CCBE1: variants seen among roughly 807,000 people sequenced by gnomAD.
CCBE1 encodes the protein collagen and calcium-binding EGF domain-containing protein 1.
CCBE1 carries 37 observed loss-of-function variants against 50.0 expected under a neutral mutation model. The ratio of observed to expected loss-of-function variants is 0.74; its 90% CI spans 0.57 to 0.97. The LOEUF is 0.97. Among genes scored for constraint, CCBE1 ranks in the 50% least tolerant of loss-of-function variants. The pLI, the probability that CCBE1 is intolerant of heterozygous loss-of-function variation, is 0.00. For missense variants in CCBE1, 538 were observed against 523.8 expected (o/e 1.03, Z -0.26); for synonymous variants, 234 against 203.7 (o/e 1.15, Z -1.27).
intron 2 of CCBE1, among the ~76,000 whole-genome samples, chr18:59,651,669 C>T (rs917825549): frequency 4.6e-5 from 7 of 152,110 alleles, no homozygotes; most frequent in African/African-American, 1.4e-4. Flanking sequence ...TAGGCAAGAC[C>T]GTCAGAGAAA....
At chr18:59,668,693 C>A (rs2054389757) in intron 2 of CCBE1, among the ~76,000 whole-genome samples, 1 of 151,994 alleles carries the variant, frequency 6.6e-6, no homozygotes, top group Non-Finnish European at 1.5e-5. Flanking sequence ...CTTAATTTCC[C>A]TAGGATAAAT....
intron 2 of CCBE1, among the ~76,000 whole-genome samples, chr18:59,594,915 C>A (rs2053329328): frequency 6.6e-6 from 1 of 152,002 alleles, no homozygotes; most frequent in Non-Finnish European, 1.5e-5. Context: ...AGAACAAGAT[C>A]AGCCTGATCA....
Position 59,433,069 on chromosome 18 carries a change from A to G in CCBE1, c.*2839T>C, listed in dbSNP as rs1410713342. 6.6e-6 allele frequency: 1 copy of G among 152,076 alleles called. No individual in the cohort carries two copies. The highest frequency in any genetic ancestry group is 1.5e-5 in the Non-Finnish European group (1 of 68,024). 9.4% of individuals were successfully genotyped at this position (152,076 alleles called of 1,614,324 possible). On this transcript the variant is annotated 3_prime_UTR_variant, in exon 11 of 11. Transcript: ENST00000439986. ...ACAGCTGTTCAGTTCCTCTCTCTAT[A>G]AACCCGTGGTTGGTGTGGCCCTCTG...
At chr18:59,494,951 T>C (rs1440314633) in intron 2 of CCBE1, among the ~76,000 whole-genome samples, 2 of 152,096 alleles carry the variant, frequency 1.3e-5, no homozygotes, top group Non-Finnish European at 1.5e-5. Context: ...GCCAGGAGTC[T>C]GAGACCAGCC....
intron 2 of CCBE1, among the ~76,000 whole-genome samples, chr18:59,600,113 C>A (rs2053410333): frequency 6.6e-6 from 1 of 152,100 alleles, no homozygotes; most frequent in Non-Finnish European, 1.5e-5. Context: ...AATCAGGGGT[C>A]CCCAACCACT....
At chr18:59,686,283 T>G (rs1440535697) in intron 2 of CCBE1, 2 of 152,220 alleles carry the variant, frequency 1.3e-5, no homozygotes, top group Non-Finnish European at 2.9e-5. Flanking sequence ...ACCACTGGGA[T>G]GAATGTCACT....
In CCBE1 at chr18:59,491,763, C is replaced by T. The variant is rs370761055; in HGVS notation, c.213-11525G>A. Among the ~76,000 whole-genome samples, 16 of 150,496 alleles carry T rather than the reference C, an allele frequency of 1.1e-4. No homozygotes were observed. In the South Asian group the frequency reaches 1.9e-3, roughly 18 times the overall value. ...CAGTAGGTGGAGAATGCAGTTGAGC[C>T]GAGATTGCACCACTGGACTCCAACC... On this transcript the variant is annotated intron_variant, in intron 2 of 10. Transcript: ENST00000439986.
chr18:59,521,296 A>C (rs903870918), intron 2 of CCBE1, among the ~76,000 whole-genome samples: 3 of 152,232 alleles, frequency 2.0e-5, no homozygotes, highest in Admixed American at 1.3e-4. Flanking sequence ...GATTTATTTC[A>C]TGATTTCAAC....
chr18:59,449,797 C>A (rs972568714), intron 6 of CCBE1, among the ~76,000 whole-genome samples: 5 of 152,158 alleles, frequency 3.3e-5, no homozygotes, highest in Non-Finnish European at 7.3e-5. Context: ...CAGGATGAGG[C>A]CTGCACACAG....
At chr18:59,641,730 A>T (rs1423245723) in intron 2 of CCBE1, among the ~76,000 whole-genome samples, 1 of 152,224 alleles carries the variant, frequency 6.6e-6, no homozygotes, top group Non-Finnish European at 1.5e-5. Context: ...GGAAATAGAC[A>T]AACAGGTGAA....
chr18:59,529,775 G>A (rs1369129150), intron 2 of CCBE1, among the ~76,000 whole-genome samples: 1 of 152,024 alleles, frequency 6.6e-6, no homozygotes, highest in African/African-American at 2.4e-5. Context: ...GCCTCCAACT[G>A]CAGCTGTTTC....
chr18:59,598,913 G>C (rs183134410), intron 2 of CCBE1, among the ~76,000 whole-genome samples: 5 of 152,270 alleles, frequency 3.3e-5, no homozygotes, highest in African/African-American at 4.8e-5. Context: ...AACCATTCCC[G>C]AGAAGGAAGT....
At chr18:59,520,007 C>G (rs905546701) in intron 2 of CCBE1, among the ~76,000 whole-genome samples, 1 of 152,128 alleles carries the variant, frequency 6.6e-6, no homozygotes, top group African/African-American at 2.4e-5. Context: ...ATTTCTGAGG[C>G]CTCTGCTCTG....
intron 2 of CCBE1, among the ~76,000 whole-genome samples, chr18:59,483,087 G>A (rs1912654283): frequency 6.6e-6 from 1 of 152,092 alleles, no homozygotes; most frequent in Admixed American, 6.6e-5. Flanking sequence ...ACACATCATG[G>A]TGGAGAAAGG....
intron 2 of CCBE1, among the ~76,000 whole-genome samples, chr18:59,643,785 G>A (rs1176270729): frequency 7.1e-6 from 1 of 141,650 alleles, no homozygotes; most frequent in Non-Finnish European, 1.5e-5. Context: ...TCATGCCACT[G>A]TACTCCAGCC....
intron 2 of CCBE1, among the ~76,000 whole-genome samples, chr18:59,681,530 G>A (rs1451246606): frequency 6.6e-6 from 1 of 152,164 alleles, no homozygotes; most frequent in South Asian, 2.1e-4. Flanking sequence ...TCCATGAAGC[G>A]AGGAAGCTGA....
In CCBE1 at chr18:59,431,019, G is replaced by A. The variant is rs1180790297; in HGVS notation, c.*4889C>T. On this transcript the variant is annotated 3_prime_UTR_variant, in exon 11 of 11. Transcript: ENST00000439986. ...GTATCACATCCATAATTGCTTGAAT[G>A]CTAACTTGACTGTTACATGGACCTG... is the stretch of plus-strand genomic sequence containing the variant. 3.3e-5 allele frequency: 5 copies of A among 152,192 alleles called. No homozygotes were observed. The highest frequency in any genetic ancestry group is 1.3e-4 in the Admixed American group (2 of 15,278). The allele number at this position is 152,192 out of a possible 1,614,324, so 9.4% of individuals were successfully genotyped here. A position where few individuals can be genotyped will look rare whatever the true frequency, so the allele number is the denominator to read the frequency against.
intron 7 of CCBE1, among the ~76,000 whole-genome samples, chr18:59,442,155 C>T (rs1910460304): frequency 1.3e-5 from 2 of 152,132 alleles, no homozygotes; most frequent in South Asian, 4.2e-4. Context: ...TCTCCCCCGT[C>T]GTACCAACAA....
intron 2 of CCBE1, among the ~76,000 whole-genome samples, chr18:59,622,779 G>A (rs1401539874): frequency 6.7e-6 from 1 of 150,160 alleles, no homozygotes; most frequent in East Asian, 2.0e-4. Context: ...CCAAGCCTGG[G>A]TGACAGAGAG....
Sources: gnomAD v4.1 joint callset for allele counts (sites outside exome capture counted in the v4.1 genomes callset) on GRCh38, gnomAD v4.1.1 for gene constraint, MANE v1.5 for transcripts, NCBI Gene and HGNC (gene_info 2026-07-23, HGNC 2026-07-21) for gene names.